TMEM178B: variants seen among roughly 807,000 people sequenced by gnomAD.
The protein encoded by TMEM178B is transmembrane protein 178B.
In TMEM178B, 5 loss-of-function variants were observed where a neutral mutation model predicts 31.0. The ratio of observed to expected loss-of-function variants is 0.16; its 90% confidence interval spans 0.08 to 0.34. TMEM178B has a LOEUF of 0.34. Among genes scored for constraint, TMEM178B ranks in the 10% least tolerant of loss-of-function variants. TMEM178B has a pLI of 1.00. For synonymous variants in TMEM178B, 164 were observed against 164.0 expected, an observed-to-expected ratio of 1.00 and a Z score of 0.00; for missense variants, 275 against 400.3, an observed-to-expected ratio of 0.69 and a Z score of 2.67.
chr7:141,437,806 G>A, intron 3 of TMEM178B, 61 bp downstream of exon 3: 1 of 1,531,142 alleles, frequency 6.5e-7, no homozygotes, highest in Non-Finnish European at 8.7e-7. Flanking sequence ...CCACAATTTG[G>A]GGAGAATGGC....
intron 2 of TMEM178B, among the ~76,000 whole-genome samples, chr7:141,342,135 A>AC (rs1304245463): frequency 2.6e-5 from 4 of 152,050 alleles, no homozygotes; most frequent in Admixed American, 2.6e-4. Flanking sequence ...TTTAGCAGAG[A>AC]CGGGCTTTCC....
At chr7:141,279,378 T>G (rs1236438890) in intron 2 of TMEM178B, among the ~76,000 whole-genome samples, 1 of 152,256 alleles carries the variant, frequency 6.6e-6, no homozygotes, top group Non-Finnish European at 1.5e-5. Flanking sequence ...GTTTTGTTTT[T>G]AAAACAGTGT....
At chr7:141,357,221 C>T (rs1799835558) in intron 2 of TMEM178B, among the ~76,000 whole-genome samples, 1 of 152,150 alleles carries the variant, frequency 6.6e-6, no homozygotes, top group African/African-American at 2.4e-5. Flanking sequence ...CTAAAGTTGA[C>T]AAATTTGTCC....
the TMEM178B span, among the ~76,000 whole-genome samples, chr7:141,495,978 C>T: frequency 6.6e-6 from 1 of 152,180 alleles, no homozygotes; most frequent in Non-Finnish European, 1.5e-5. Context: ...CCATTCACAG[C>T]CTCTTCATGT....
At chr7:141,393,335 TA>T (rs1563169915) in intron 2 of TMEM178B, among the ~76,000 whole-genome samples, 5 of 152,164 alleles carry the variant, frequency 3.3e-5, no homozygotes. Flanking sequence ...ACAGGAAATA[TA>T]AAGCACTTGA....
At chr7:141,125,505 A>G (rs541007790) in intron 1 of TMEM178B, among the ~76,000 whole-genome samples, 6 of 151,890 alleles carry the variant, frequency 4.0e-5, no homozygotes, top group African/African-American at 1.4e-4. Context: ...ACATGATGAA[A>G]CCCTGTCTCT....
chr7:141,378,337 TG>T (rs1800256260), intron 2 of TMEM178B, among the ~76,000 whole-genome samples: 1 of 152,182 alleles, frequency 6.6e-6, no homozygotes. Flanking sequence ...ACTTTTCTAG[TG>T]ACTATTTTTT....
At chr7:141,160,824 T>C (rs896272307) in intron 1 of TMEM178B, among the ~76,000 whole-genome samples, 5 of 152,312 alleles carry the variant, frequency 3.3e-5, no homozygotes, top group East Asian at 1.9e-4. Flanking sequence ...ATTCAATTAT[T>C]AACCTTAAAT....
At chr7:141,126,879 GTGTGTGTGTGTGTA>G (rs1250108706) in intron 1 of TMEM178B, among the ~76,000 whole-genome samples, 1 of 151,850 alleles carries the variant, frequency 6.6e-6, no homozygotes, top group Non-Finnish European at 1.5e-5. Flanking sequence ...GTGTGTGTGT[GTGTGTGTGTGTGTA>G]TGTGTGTTGA....
At chr7:141,502,187 G>A in the TMEM178B span, among the ~76,000 whole-genome samples, 2 of 152,004 alleles carry the variant, frequency 1.3e-5, no homozygotes, top group Non-Finnish European at 2.9e-5. Context: ...TATCTCCCAT[G>A]TTTTACAAAA....
At chr7:141,222,520 G>T (rs1322703703) in intron 2 of TMEM178B, among the ~76,000 whole-genome samples, 1 of 152,192 alleles carries the variant, frequency 6.6e-6, no homozygotes, top group African/African-American at 2.4e-5. Flanking sequence ...AATAATTCAT[G>T]CACAATCTCT....
intron 2 of TMEM178B, among the ~76,000 whole-genome samples, chr7:141,258,859 A>T (rs1042396292): frequency 6.6e-6 from 1 of 152,152 alleles, no homozygotes; most frequent in Admixed American, 6.5e-5. Flanking sequence ...TATATATATG[A>T]GTCAGTTTTC....
intron 2 of TMEM178B, among the ~76,000 whole-genome samples, chr7:141,405,191 G>A (rs1200180465): frequency 1.3e-5 from 2 of 152,368 alleles, no homozygotes; most frequent in Non-Finnish European, 2.9e-5. Context: ...GGAGGGCATA[G>A]GGATATAGGA....
At chr7:141,314,394 T>C (rs1444148900) in intron 2 of TMEM178B, among the ~76,000 whole-genome samples, 1 of 152,238 alleles carries the variant, frequency 6.6e-6, no homozygotes, top group Non-Finnish European at 1.5e-5. Flanking sequence ...TTCCTTCTGA[T>C]GGGGCAGGGA....
intron 1 of TMEM178B, among the ~76,000 whole-genome samples, chr7:141,170,827 C>A (rs1173829756): frequency 1.3e-5 from 2 of 152,208 alleles, no homozygotes; most frequent in African/African-American, 4.8e-5. Context: ...CATTTAACTG[C>A]TGTTGCTCTA....
chr7:141,116,580 A>G lies in TMEM178B; in HGVS notation c.382+41888A>G, dbSNP rs765912115. Among the ~76,000 whole-genome samples the G allele has an allele frequency of 2.6e-5, 4 of 151,784 alleles. No individual in the cohort carries two copies. The East Asian group carries it at 7.7e-4, about 29-fold the overall frequency. ...TGTGCAGAACGTGAGGGTTTGTTAC[A>G]TACATATACACGTGCAGTGGCAGTT... On this transcript the variant is annotated intron_variant, in intron 1 of 3. Coordinates refer to ENST00000565468, the MANE Select transcript of TMEM178B (RefSeq NM_001195278.2).
chr7:141,415,881 A>T (rs1801086758), intron 2 of TMEM178B: 1 of 152,438 alleles, frequency 6.6e-6, no homozygotes, highest in Non-Finnish European at 1.5e-5. Flanking sequence ...GGCACCACTG[A>T]TGGAGATGTG....
chr7:141,442,484 C>T (rs1029848257), intron 3 of TMEM178B, among the ~76,000 whole-genome samples: 5 of 152,208 alleles, frequency 3.3e-5, no homozygotes, highest in African/African-American at 1.2e-4. Context: ...CCTTACACCT[C>T]TTTAGAAGCT....
chr7:141,470,797 C>G lies in TMEM178B; in HGVS notation c.*11C>G. Reference sequence around the variant, plus strand: ...GGGACAGTGTGCTAAAAAACAAACCCATACATACATATATATATATAAATA... The same window carrying G: ...GGGACAGTGTGCTAAAAAACAAACCGATACATACATATATATATATAAATA... On this transcript the variant is annotated 3_prime_UTR_variant, in exon 4 of 4. Transcript: ENST00000565468. 7.4e-7 allele frequency: 1 copy of G among 1,342,462 alleles called. No individual in the cohort carries two copies. The allele number at this position is 1,342,462 out of a possible 1,614,324, so 83.2% of individuals were successfully genotyped here. A position where few individuals can be genotyped will look rare whatever the true frequency, so the allele number is the denominator to read the frequency against.
Sources: allele counts gnomAD v4.1 joint callset (sites outside exome capture counted in the v4.1 genomes callset), GRCh38; gene constraint gnomAD v4.1.1; transcripts MANE v1.5; gene names NCBI Gene and HGNC (gene_info 2026-07-23, HGNC 2026-07-21).